Variants in CNTNAP2 observed in about 807,000 individuals in gnomAD.
CNTNAP2 encodes contactin associated protein 2, also known as contactin-associated protein-like 2.
CNTNAP2 carries 98 observed loss-of-function variants against 155.2 expected under a neutral mutation model. The ratio of observed to expected loss-of-function variants is 0.63; its 90% CI spans 0.54 to 0.75. CNTNAP2 has a LOEUF of 0.75. Among genes scored for constraint, CNTNAP2 ranks in the 30% least tolerant of loss-of-function variants. CNTNAP2 has a pLI of 0.00. For synonymous variants in CNTNAP2, 651 were observed against 631.2 expected (o/e 1.03, Z -0.47); for missense variants, 1,727 against 1,688.1 (o/e 1.02, Z -0.40).
At chr7:146,667,898 A>G (rs61013169) in intron 1 of CNTNAP2, among the ~76,000 whole-genome samples, 17,214 of 152,002 alleles carry the variant, frequency 0.11, 1,635 homozygotes, top group African/African-American at 0.26. Context: ...TTTTCTATAT[A>G]TAGGATCATG....
intron 3 of CNTNAP2, among the ~76,000 whole-genome samples, chr7:146,899,024 G>T (rs777782419): frequency 6.6e-6 from 1 of 152,042 alleles, no homozygotes; most frequent in Non-Finnish European, 1.5e-5. Context: ...CCTTTGTGTG[G>T]CACTGGAAAC....
chr7:146,276,409 T>C lies in CNTNAP2; in HGVS notation c.97+159436T>C, dbSNP rs544414320. On this transcript the variant is annotated intron_variant, in intron 1 of 23. Coordinates refer to ENST00000361727, the MANE Select transcript of CNTNAP2 (RefSeq NM_014141.6). ...CATCATCTTAACCAAGGCATCTAAC[T>C]GTACTGCCTGTCATGTAGTAGGTAC... 2.0e-5 allele frequency among the ~76,000 whole-genome samples: 3 copies of C among 152,316 alleles called. No homozygotes were observed. In the South Asian group the frequency reaches 6.2e-4, roughly 32 times the overall value.
chr7:146,269,781 G>A (rs1800050747), intron 1 of CNTNAP2, among the ~76,000 whole-genome samples: 1 of 152,162 alleles, frequency 6.6e-6, no homozygotes, highest in Admixed American at 6.6e-5. Flanking sequence ...GCACTGCCTT[G>A]TTCAGATAGC....
intron 1 of CNTNAP2, among the ~76,000 whole-genome samples, chr7:146,141,386 A>G (rs1797879970): frequency 6.6e-6 from 1 of 151,646 alleles, no homozygotes; most frequent in Non-Finnish European, 1.5e-5. Flanking sequence ...GTGTGTAGAT[A>G]GACTGTATTT....
chr7:148,037,607 T>C (rs1006977869), intron 15 of CNTNAP2, among the ~76,000 whole-genome samples: 1 of 152,240 alleles, frequency 6.6e-6, no homozygotes, highest in Non-Finnish European at 1.5e-5. Flanking sequence ...CTTTCTGCAA[T>C]TTCAGTTACC....
At chr7:146,858,479 A>C (rs890340648) in intron 3 of CNTNAP2, among the ~76,000 whole-genome samples, 1 of 152,198 alleles carries the variant, frequency 6.6e-6, no homozygotes, top group African/African-American at 2.4e-5. Context: ...GGATCACTTG[A>C]GCCCAGGAGT....
intron 20 of CNTNAP2, among the ~76,000 whole-genome samples, chr7:148,256,130 G>A (rs886543482): frequency 6.6e-6 from 1 of 152,118 alleles, no homozygotes; most frequent in African/African-American, 2.4e-5. Context: ...ATACGGTCTG[G>A]ATCTCAAAAT....
At chr7:146,694,293 G>T (rs979660112) in intron 1 of CNTNAP2, among the ~76,000 whole-genome samples, 5 of 152,186 alleles carry the variant, frequency 3.3e-5, no homozygotes, top group Admixed American at 6.5e-5. Context: ...AAAGGTGTAA[G>T]TTCCATTTAT....
chr7:147,791,359 A>G (rs1797815317), intron 13 of CNTNAP2, among the ~76,000 whole-genome samples: 1 of 151,494 alleles, frequency 6.6e-6, no homozygotes, highest in Non-Finnish European at 1.5e-5. Flanking sequence ...TGTTACTTAC[A>G]TGACATATAG....
chr7:148,149,800 C>T (rs1478863463), intron 17 of CNTNAP2, among the ~76,000 whole-genome samples: 1 of 152,090 alleles, frequency 6.6e-6, no homozygotes, highest in East Asian at 1.9e-4. Flanking sequence ...GATCCACCCA[C>T]CTCAGCCTCC....
intron 8 of CNTNAP2, among the ~76,000 whole-genome samples, chr7:147,251,043 G>C (rs1804185196): frequency 6.6e-6 from 1 of 152,120 alleles, no homozygotes; most frequent in African/African-American, 2.4e-5. Flanking sequence ...CATTTTAAAA[G>C]CCATCATGCC....
intron 1 of CNTNAP2, among the ~76,000 whole-genome samples, chr7:146,536,885 G>A (rs1563125107): frequency 1.3e-5 from 2 of 152,024 alleles, no homozygotes; most frequent in East Asian, 3.9e-4. Flanking sequence ...CTCTGTATTT[G>A]CAAATAGTTC....
chr7:147,399,864 C>G (rs1291580927), intron 10 of CNTNAP2, among the ~76,000 whole-genome samples: 1 of 152,114 alleles, frequency 6.6e-6, no homozygotes, highest in African/African-American at 2.4e-5. Flanking sequence ...AGAAATTGCT[C>G]TCTAACAATG....
intron 1 of CNTNAP2, among the ~76,000 whole-genome samples, chr7:146,379,512 T>C (rs1795351040): frequency 1.3e-5 from 2 of 152,352 alleles, no homozygotes; most frequent in South Asian, 4.1e-4. Context: ...ATTTGACCAA[T>C]GGCAACTTCT....
At chr7:146,890,175 T>A (rs1431255020) in intron 3 of CNTNAP2, among the ~76,000 whole-genome samples, 2 of 152,178 alleles carry the variant, frequency 1.3e-5, no homozygotes, top group Non-Finnish European at 2.9e-5. Context: ...GGAAAATGTA[T>A]TAAAGATATG....
At chr7:146,407,085 G>A (rs931897970) in intron 1 of CNTNAP2, among the ~76,000 whole-genome samples, 2 of 152,190 alleles carry the variant, frequency 1.3e-5, no homozygotes, top group Admixed American at 6.5e-5. Flanking sequence ...GAGGACATCA[G>A]TAATGTGAAG....
intron 23 of CNTNAP2, among the ~76,000 whole-genome samples, chr7:148,412,879 T>A (rs1799873957): frequency 6.6e-6 from 1 of 152,252 alleles, no homozygotes; most frequent in African/African-American, 2.4e-5. Flanking sequence ...CATAGTTTAC[T>A]GAAAGCTGTT....
Position 148,133,094 on chromosome 7 carries a change from T to C in CNTNAP2, c.2555-14397T>C, listed in dbSNP as rs376495562. Among the ~76,000 whole-genome samples, 185 of 152,280 alleles carry C rather than the reference T, an allele frequency of 1.2e-3. 4 individuals carry two copies. The South Asian group carries it at 0.037, about 30-fold the overall frequency. On this transcript the variant is annotated intron_variant, in intron 16 of 23. Transcript: ENST00000361727. ...TCATAAGAGAGTTAGGAACATTATG[T>C]AATCTTCTTTAAAAATAAGATAAGC... is the stretch of plus-strand genomic sequence containing the variant.
At chr7:146,800,315 C>A (rs1802851723) in intron 2 of CNTNAP2, among the ~76,000 whole-genome samples, 2 of 152,058 alleles carry the variant, frequency 1.3e-5, no homozygotes, top group Admixed American at 6.5e-5. Flanking sequence ...ACTGCTATAC[C>A]CACTGCTGTA....
Sources: gnomAD v4.1 joint callset for allele counts (sites outside exome capture counted in the v4.1 genomes callset) on GRCh38, gnomAD v4.1.1 for gene constraint, MANE v1.5 for transcripts, NCBI Gene and HGNC (gene_info 2026-07-23, HGNC 2026-07-21) for gene names.